ST6GALNAC3: variants seen among roughly 807,000 people sequenced by gnomAD.
ST6GALNAC3 encodes alpha-N-acetylgalactosaminide alpha-2,6-sialyltransferase 3.
A neutral mutation model predicts 32.7 loss-of-function variants in ST6GALNAC3; 25 were observed. The ratio of observed to expected loss-of-function variants is 0.76; its 90% confidence interval spans 0.56 to 1.07. The LOEUF (loss-of-function observed/expected upper bound fraction) is 1.07. Among genes scored for constraint, ST6GALNAC3 ranks in the 50% least tolerant of loss-of-function variants. The probability of loss-of-function intolerance (pLI) is 0.00; values close to 1 mark genes in which losing one functional copy is unlikely to be tolerated. For missense variants in ST6GALNAC3, 355 were observed against 382.4 expected (o/e 0.93, Z 0.60); for synonymous variants, 129 against 133.1 (o/e 0.97, Z 0.21).
intron 3 of ST6GALNAC3, among the ~76,000 whole-genome samples, chr1:76,546,788 A>C (rs1664324484): frequency 6.6e-6 from 1 of 152,204 alleles, no homozygotes; most frequent in African/African-American, 2.4e-5. Flanking sequence ...CCTGTGCAGA[A>C]GGGCACGGAA....
chr1:76,629,373 C>T lies in ST6GALNAC3; in HGVS notation c.*567C>T. On this transcript the variant is annotated 3_prime_UTR_variant, in exon 5 of 5. Coordinates refer to ENST00000328299, the MANE Select transcript of ST6GALNAC3 (RefSeq NM_152996.4). ...ACAGTATTTCCTACAGCTAAAGCCT[C>T]AGGCCATTGCCTAATTAACAATGAA... 2 of 985,372 alleles carry T rather than the reference C, an allele frequency of 2.0e-6. No homozygotes were observed. The highest frequency in any genetic ancestry group is 2.4e-6 in the Non-Finnish European group (2 of 829,716). 61.0% of individuals were successfully genotyped at this position (985,372 alleles called of 1,614,324 possible). A position where few individuals can be genotyped will look rare whatever the true frequency, so the allele number is the denominator to read the frequency against.
chr1:76,438,564 T>C (rs1298893491), intron 3 of ST6GALNAC3, among the ~76,000 whole-genome samples: 1 of 152,266 alleles, frequency 6.6e-6, no homozygotes, highest in East Asian at 1.9e-4. Context: ...AAAATCTTTT[T>C]ATTCTTTCTC....
At chr1:76,461,479 A>C (rs1295512458) in intron 3 of ST6GALNAC3, among the ~76,000 whole-genome samples, 4 of 152,210 alleles carry the variant, frequency 2.6e-5, no homozygotes, top group African/African-American at 9.6e-5. Context: ...CTTCAGAAGA[A>C]GACACTCACT....
chr1:76,538,459 CAAGACAAG>C (rs1663765526), intron 3 of ST6GALNAC3, among the ~76,000 whole-genome samples: 2 of 152,116 alleles, frequency 1.3e-5, no homozygotes, highest in Non-Finnish European at 2.9e-5. Flanking sequence ...CAAACCAGTA[CAAGACAAG>C]GATGCCCTCT....
chr1:76,360,784 A>T (rs988039460), intron 2 of ST6GALNAC3, among the ~76,000 whole-genome samples: 6 of 152,170 alleles, frequency 3.9e-5, no homozygotes, highest in Admixed American at 6.5e-5. Flanking sequence ...GGTATATCTT[A>T]GTTATTAATA....
In ST6GALNAC3 at chr1:76,302,123, T is replaced by C. The variant is rs572349784; in HGVS notation, c.19-11682T>C. On this transcript the variant is annotated intron_variant, in intron 1 of 4. Coordinates refer to ENST00000328299, the MANE Select transcript of ST6GALNAC3 (RefSeq NM_152996.4). ...CCATATTTCATTGATTTTTAAAATG[T>C]TTTTCCACATTTTCAGCTATCTAAG... Among the ~76,000 whole-genome samples the C allele has an allele frequency of 5.9e-5, 9 of 152,104 alleles. No homozygotes were observed. The South Asian group carries it at 1.9e-3, about 32-fold the overall frequency.
At chr1:76,174,605 A>T (rs2100434496) in intron 1 of ST6GALNAC3, among the ~76,000 whole-genome samples, 1 of 149,934 alleles carries the variant, frequency 6.7e-6, no homozygotes, top group South Asian at 2.1e-4. Context: ...CTTAGCTCAG[A>T]TCATGAAGAT....
In ST6GALNAC3 at chr1:76,464,808, T is replaced by TA. The variant is rs2101607781; in HGVS notation, c.623+52391_623+52392insA. On this transcript the variant is annotated intron_variant, in intron 3 of 4. Coordinates refer to ENST00000328299, the MANE Select transcript of ST6GALNAC3 (RefSeq NM_152996.4). ...GACAGAGAAGCTGGGAGTAAAAGAATGTAGGTGACTTTCCCAGGGAAGCAC... is the reference window on the plus strand; with the variant it reads ...GACAGAGAAGCTGGGAGTAAAAGAATAGTAGGTGACTTTCCCAGGGAAGCAC... 2.0e-5 allele frequency among the ~76,000 whole-genome samples: 3 copies of TA among 152,272 alleles called. No individual in the cohort carries two copies. The South Asian group carries it at 6.2e-4, about 32-fold the overall frequency.
chr1:76,503,736 T>C (rs971465341), intron 3 of ST6GALNAC3, among the ~76,000 whole-genome samples: 7 of 152,188 alleles, frequency 4.6e-5, no homozygotes, highest in Non-Finnish European at 8.8e-5. Context: ...AGTAATCAGC[T>C]GAAATGTGTG....
At chr1:76,394,501 A>G (rs1652793137) in intron 2 of ST6GALNAC3, among the ~76,000 whole-genome samples, 1 of 152,172 alleles carries the variant, frequency 6.6e-6, no homozygotes, top group Admixed American at 6.5e-5. Flanking sequence ...TTTGACACCA[A>G]AAAGATATAG....
At chr1:76,128,317 G>A (rs1398476929) in intron 1 of ST6GALNAC3, among the ~76,000 whole-genome samples, 1 of 152,224 alleles carries the variant, frequency 6.6e-6, no homozygotes, top group African/African-American at 2.4e-5. Context: ...CTGCTCTACT[G>A]CAGGAGAACA....
At chr1:76,078,010 T>C (rs969717881) in intron 1 of ST6GALNAC3, among the ~76,000 whole-genome samples, 4 of 152,182 alleles carry the variant, frequency 2.6e-5, no homozygotes, top group African/African-American at 9.7e-5. Context: ...ATGGAGGGCA[T>C]AGTAGAAGCA....
At chr1:76,215,851 G>A (rs779801836) in intron 1 of ST6GALNAC3, among the ~76,000 whole-genome samples, 16 of 152,226 alleles carry the variant, frequency 1.1e-4, no homozygotes, top group African/African-American at 1.7e-4. Flanking sequence ...CTGGGTGGCA[G>A]CTTCAGGAGA....
chr1:76,519,282 A>T (rs1662367164), intron 3 of ST6GALNAC3, among the ~76,000 whole-genome samples: 1 of 152,144 alleles, frequency 6.6e-6, no homozygotes, highest in African/African-American at 2.4e-5. Context: ...CACACATTAA[A>T]GATAATTTCA....
chr1:76,148,331 C>G (rs1173739683), intron 1 of ST6GALNAC3, among the ~76,000 whole-genome samples: 1 of 152,132 alleles, frequency 6.6e-6, no homozygotes, highest in Non-Finnish European at 1.5e-5. Context: ...ACTGCTCATC[C>G]CAGTAGGAGA....
chr1:76,467,866 A>C (rs1359670407), intron 3 of ST6GALNAC3, among the ~76,000 whole-genome samples: 3 of 152,032 alleles, frequency 2.0e-5, no homozygotes, highest in East Asian at 3.9e-4. Context: ...CAATAAAATG[A>C]AATACAATTT....
In ST6GALNAC3 at chr1:76,266,557, A is replaced by C. The variant is rs550672680; in HGVS notation, c.19-47248A>C. On this transcript the variant is annotated intron_variant, in intron 1 of 4. Coordinates refer to ENST00000328299, the MANE Select transcript of ST6GALNAC3 (RefSeq NM_152996.4). Reference sequence around the variant, plus strand: ...GTGGTTTTCTACCTATGAAAGTAACATTCTCTAAAGCCTAGAGGATGGAAC... The same window carrying C: ...GTGGTTTTCTACCTATGAAAGTAACCTTCTCTAAAGCCTAGAGGATGGAAC... Among the ~76,000 whole-genome samples the C allele has an allele frequency of 7.9e-5, 12 of 152,306 alleles. No homozygotes were observed. In the South Asian group the frequency reaches 2.3e-3, roughly 29 times the overall value.
At chr1:76,152,233 AC>A (rs1651089464) in intron 1 of ST6GALNAC3, among the ~76,000 whole-genome samples, 1 of 152,186 alleles carries the variant, frequency 6.6e-6, no homozygotes, top group Non-Finnish European at 1.5e-5. Context: ...GTAAGTGTTT[AC>A]CTGGGCTTCT....
chr1:76,290,299 A>T (rs1399067996), intron 1 of ST6GALNAC3, among the ~76,000 whole-genome samples: 2 of 150,376 alleles, frequency 1.3e-5, no homozygotes. Context: ...AACACTAAGG[A>T]TATCAAACTA....
Sources: gnomAD v4.1 joint callset for allele counts (sites outside exome capture counted in the v4.1 genomes callset) on GRCh38, gnomAD v4.1.1 for gene constraint, MANE v1.5 for transcripts, NCBI Gene and HGNC (gene_info 2026-07-23, HGNC 2026-07-21) for gene names.